Variants in CACNA2D3 observed in about 807,000 individuals in gnomAD.
The protein encoded by CACNA2D3 is calcium voltage-gated channel auxiliary subunit alpha2delta 3, also known as voltage-dependent calcium channel subunit alpha-2/delta-3.
In CACNA2D3, 60 loss-of-function variants were observed where a neutral mutation model predicts 160.6. The observed-to-expected ratio is 0.37, with a 90% CI of 0.30 to 0.46. The LOEUF is 0.46. CACNA2D3 is among the 20% of genes least tolerant of loss of function. The probability of loss-of-function intolerance (pLI) is 1.00; values close to 1 mark genes in which losing one functional copy is unlikely to be tolerated. For missense variants in CACNA2D3, 1,205 were observed against 1,365.0 expected, an observed-to-expected ratio of 0.88 and a Z score of 1.85; for synonymous variants, 558 against 492.9, an observed-to-expected ratio of 1.13 and a Z score of -1.75.
At chr3:54,832,118 G>A (rs1163807159) in intron 14 of CACNA2D3, among the ~76,000 whole-genome samples, 1 of 151,736 alleles carries the variant, frequency 6.6e-6, no homozygotes, top group Non-Finnish European at 1.5e-5. Context: ...GTGGCAAGGG[G>A]ACACGGCTGT....
At chr3:54,711,802 C>T (rs1575435361) in intron 11 of CACNA2D3, among the ~76,000 whole-genome samples, 3 of 152,210 alleles carry the variant, frequency 2.0e-5, no homozygotes, top group Non-Finnish European at 4.4e-5. Context: ...TACCAGACCA[C>T]GTAAGCTCTC....
chr3:54,304,086 C>T (rs1462995155), intron 2 of CACNA2D3, among the ~76,000 whole-genome samples: 2 of 152,190 alleles, frequency 1.3e-5, no homozygotes, highest in East Asian at 3.9e-4. Flanking sequence ...GCGGGGCCTG[C>T]TCTGTACTTT....
intron 12 of CACNA2D3, among the ~76,000 whole-genome samples, 160 bp downstream of exon 12, chr3:54,752,837 G>GTT (rs34310780): frequency 8.3e-4 from 120 of 144,172 alleles, no homozygotes; most frequent in Middle Eastern, 7.2e-3. Flanking sequence ...TCCAAATTAT[G>GTT]TTTTTTTTTT....
chr3:54,895,754 C>A (rs377490521), intron 25 of CACNA2D3, among the ~76,000 whole-genome samples: 4 of 152,102 alleles, frequency 2.6e-5, no homozygotes, highest in African/African-American at 9.7e-5. Flanking sequence ...GGCGGTCATC[C>A]CCCCACCGCC....
At chr3:54,853,356 T>G (rs1156506570) in intron 17 of CACNA2D3, among the ~76,000 whole-genome samples, 2 of 152,184 alleles carry the variant, frequency 1.3e-5, no homozygotes, top group African/African-American at 4.8e-5. Flanking sequence ...GATGTTTGAG[T>G]GATGCTGATG....
At chr3:55,043,422 T>TCTTTTCATGTAATTCCTTGTGATCTACA (rs1704001892) in intron 35 of CACNA2D3, among the ~76,000 whole-genome samples, 2 of 146,278 alleles carry the variant, frequency 1.4e-5, no homozygotes, top group Non-Finnish European at 3.1e-5. Flanking sequence ...ATTTTAAGAT[T>TCTTTTCATGTAATTCCTTGTGATCTACA]CTTTTCATGT....
At chr3:54,284,344 T>A (rs1702957386) in intron 2 of CACNA2D3, among the ~76,000 whole-genome samples, 1 of 151,600 alleles carries the variant, frequency 6.6e-6, no homozygotes, top group Admixed American at 6.6e-5. Context: ...TGTACTGATG[T>A]TAATCTTATA....
At chr3:54,618,377 A>ATATATATG (rs1261954509) in intron 9 of CACNA2D3, among the ~76,000 whole-genome samples, 5,473 of 121,064 alleles carry the variant, frequency 0.045, 138 homozygotes, top group Non-Finnish European at 0.071. Flanking sequence ...ATATATATGC[A>ATATATATG]CACACACACA....
At chr3:54,906,501 A>G (rs1347470884) in intron 27 of CACNA2D3, among the ~76,000 whole-genome samples, 3 of 152,186 alleles carry the variant, frequency 2.0e-5, no homozygotes, top group Admixed American at 2.0e-4. Context: ...ATACAGGAAG[A>G]GTATATCCCA....
chr3:54,593,649 C>T (rs751313563), intron 9 of CACNA2D3, among the ~76,000 whole-genome samples: 12 of 151,984 alleles, frequency 7.9e-5, no homozygotes, highest in Non-Finnish European at 1.6e-4. Context: ...CTGTAAGTGC[C>T]AGTTGTTTTC....
intron 35 of CACNA2D3, among the ~76,000 whole-genome samples, chr3:55,045,996 C>G (rs953196052): frequency 2.0e-5 from 3 of 151,732 alleles, no homozygotes; most frequent in African/African-American, 7.3e-5. Flanking sequence ...TGAGGACTTT[C>G]TTCTTTCTAA....
intron 35 of CACNA2D3, among the ~76,000 whole-genome samples, chr3:55,035,576 A>G (rs984860607): frequency 6.6e-6 from 1 of 152,188 alleles, no homozygotes; most frequent in Non-Finnish European, 1.5e-5. Context: ...AATCTCTCAA[A>G]TGAATTATGC....
intron 35 of CACNA2D3, among the ~76,000 whole-genome samples, chr3:55,038,563 C>A (rs548809097): frequency 4.6e-5 from 7 of 152,194 alleles, no homozygotes; most frequent in African/African-American, 1.7e-4. Context: ...TATGCACTCA[C>A]AGGTATATAA....
At chr3:54,721,742 CAA>C in intron 11 of CACNA2D3, among the ~76,000 whole-genome samples, 1 of 90,432 alleles carries the variant, frequency 1.1e-5, no homozygotes, top group South Asian at 3.4e-4. Context: ...GCCTGGGCAA[CAA>C]AGAGCAAAAC....
At chr3:54,856,276 C>T (rs1699168473) in intron 17 of CACNA2D3, among the ~76,000 whole-genome samples, 1 of 152,142 alleles carries the variant, frequency 6.6e-6, no homozygotes, top group Non-Finnish European at 1.5e-5. Flanking sequence ...ATGAAAGTAC[C>T]TGGTGTCTCG....
chr3:54,168,725 A>C (rs1700503219), intron 2 of CACNA2D3, among the ~76,000 whole-genome samples: 1 of 152,186 alleles, frequency 6.6e-6, no homozygotes, highest in Non-Finnish European at 1.5e-5. Flanking sequence ...CAAATGAATT[A>C]ACAACTGATG....
intron 4 of CACNA2D3, among the ~76,000 whole-genome samples, chr3:54,453,328 T>C (rs1465647960): frequency 6.6e-6 from 1 of 152,174 alleles, no homozygotes; most frequent in Non-Finnish European, 1.5e-5. Flanking sequence ...ATATTGGATT[T>C]AGGGCTCACC....
intron 2 of CACNA2D3, among the ~76,000 whole-genome samples, chr3:54,303,818 G>GTTTTTTGTTTT (rs59534343): frequency 0.1 from 11,913 of 114,634 alleles, 991 homozygotes; most frequent in Middle Eastern, 0.15. Flanking sequence ...CTTTTTTTCT[G>GTTTTTTGTTTT]TTTTTTTTTT....
At chr3:54,600,051 G>A (rs1013299532) in intron 9 of CACNA2D3, among the ~76,000 whole-genome samples, 6 of 152,196 alleles carry the variant, frequency 3.9e-5, no homozygotes, top group East Asian at 1.9e-4. Context: ...AAACACTTTC[G>A]GACTGGAGGT....
Sources: gnomAD v4.1 joint callset for allele counts (sites outside exome capture counted in the v4.1 genomes callset) on GRCh38, gnomAD v4.1.1 for gene constraint, MANE v1.5 for transcripts, NCBI Gene and HGNC (gene_info 2026-07-23, HGNC 2026-07-21) for gene names.